EVA1B: variants seen among roughly 807,000 people sequenced by gnomAD.
EVA1B encodes the protein eva-1 homolog B.
In EVA1B, 2 loss-of-function variants were observed where a neutral mutation model predicts 4.6. The observed-to-expected ratio is 0.43, with a 90% CI of 0.18 to 1.37. EVA1B has a LOEUF of 1.37. Ranked by LOEUF, EVA1B falls within the 40% of genes most tolerant of loss-of-function variation. The pLI is 0.28. For missense variants in EVA1B, 263 were observed against 240.4 expected (o/e 1.09, Z -0.62); for synonymous variants, 124 against 115.8 (o/e 1.07, Z -0.46).
chr1:36,322,417 C>G lies in EVA1B; in HGVS notation c.376G>C (p.Glu126Gln). 1 of 1,602,110 alleles carries G rather than the reference C, an allele frequency of 6.2e-7. No homozygotes were observed. The highest frequency in any genetic ancestry group is 8.5e-7 in the Non-Finnish European group (1 of 1,179,316). The change falls in exon 3 of 3, where the codon GAG (glutamate) becomes CAG (glutamine). Residue 126 changes from glutamate (E) to glutamine (Q), a missense_variant. Coordinates refer to ENST00000490466, the MANE Select transcript of EVA1B (RefSeq NM_001304762.2). ...AEELERAQRL[E>Q]ERERILREIW... ...TCCCGCAGGATCCGTTCGCGCTCCT[C>G]CAGCCGCTGCGCCCGCTCCAGCTCC...
chr1:36,322,591 G>C lies in EVA1B; in HGVS notation c.202C>G (p.Pro68Ala). 1 of 1,567,472 alleles carries C rather than the reference G, an allele frequency of 6.4e-7. No homozygotes were observed. Among genetic ancestry groups the C allele is most frequent in the Non-Finnish European group, 8.6e-7 (1 of 1,161,282 alleles). The change falls in exon 3 of 3, where the codon CCC becomes GCC. Residue 68 changes from proline to alanine, a missense_variant. Coordinates refer to ENST00000490466, the MANE Select transcript of EVA1B (RefSeq NM_001304762.2). ...TCGGGCTCCAGGGTGCTGCTGCGGG[G>C]GTCCCGGCGCTGAGCCGGGCCCCGG... Reference protein sequence around the residue: ...RPRGPAQRRDPRSSTLEPEDD... With the variant: ...RPRGPAQRRDARSSTLEPEDD...
rs762436034 is a variant in EVA1B at position 36,322,607 on chromosome 1, C to A, written c.186G>T (p.Pro62=). Reference sequence around the variant, plus strand: ...TGCTGCGGGGGTCCCGGCGCTGAGCCGGGCCCCGGGGCCGCGGGCGGGGCG... The same window carrying A: ...TGCTGCGGGGGTCCCGGCGCTGAGCAGGGCCCCGGGGCCGCGGGCGGGGCG... ...SWAPRPRPRG[P]AQRRDPRSST... is the part of the protein sequence containing the mutation. The change falls in exon 3 of 3, where the codon CCG becomes CCT. Residue 62 remains proline, a synonymous_variant. Coordinates refer to ENST00000490466, the MANE Select transcript of EVA1B (RefSeq NM_001304762.2). 26 of 1,552,174 alleles carry A rather than the reference C, an allele frequency of 1.7e-5. No homozygotes were observed. In the African/African-American group the frequency reaches 3.3e-4, roughly 20 times the overall value.
In EVA1B at chr1:36,322,594, C is replaced by T. The variant is rs2124704925; in HGVS notation, c.199G>A (p.Asp67Asn). The change falls in exon 3 of 3, where the codon GAC becomes AAC. Residue 67 changes from aspartate (D) to asparagine (N), a missense_variant. Coordinates refer to ENST00000490466, the MANE Select transcript of EVA1B (RefSeq NM_001304762.2). Reference sequence around the variant, plus strand: ...GGCTCCAGGGTGCTGCTGCGGGGGTCCCGGCGCTGAGCCGGGCCCCGGGGC... The same window carrying T: ...GGCTCCAGGGTGCTGCTGCGGGGGTTCCGGCGCTGAGCCGGGCCCCGGGGC... Reference protein sequence around the residue: ...PRPRGPAQRRDPRSSTLEPED... With the variant: ...PRPRGPAQRRNPRSSTLEPED... 6.4e-7 allele frequency: 1 copy of T among 1,564,306 alleles called. No homozygotes were observed. The highest frequency in any genetic ancestry group is 1.9e-5 in the Admixed American group (1 of 52,528).
Position 36,322,592 on chromosome 1 carries a change from G to C in EVA1B, c.201C>G (p.Asp67Glu), listed in dbSNP as rs760727308. Residue 67 changes from aspartate (D) to glutamate (E), a missense_variant, in exon 3 of 3, where the codon GAC (aspartate) becomes GAG (glutamate). Asp to Glu is a conservative substitution (Grantham distance 45). Coordinates refer to ENST00000490466, the MANE Select transcript of EVA1B (RefSeq NM_001304762.2). The part of the protein sequence containing the change: ...PRPRGPAQRR[D>E]PRSSTLEPED... The stretch of plus-strand genomic sequence containing the variant: ...CGGGCTCCAGGGTGCTGCTGCGGGG[G>C]TCCCGGCGCTGAGCCGGGCCCCGGG... 3.2e-6 allele frequency: 5 copies of C among 1,566,704 alleles called. No individual in the cohort carries two copies. In the African/African-American group the frequency reaches 6.8e-5, roughly 21 times the overall value.
At chr1:36,323,117 G>A (rs1646496461) in intron 1 of EVA1B, 50 bp from the exon 2 acceptor site, 1 of 1,476,294 alleles carries the variant, frequency 6.8e-7, no homozygotes, top group South Asian at 1.2e-5. Context: ...AGCCCACCCC[G>A]ACCCCTTCCG....
chr1:36,322,645 T>G lies in EVA1B; in HGVS notation c.148A>C (p.Ser50Arg), dbSNP rs751315847. 5.2e-6 allele frequency: 8 copies of G among 1,545,304 alleles called. No individual in the cohort carries two copies. The highest frequency in any genetic ancestry group is 7.0e-6 in the Non-Finnish European group (8 of 1,146,642). The part of the protein sequence containing the change: ...LLLTLCLLVI[S>R]ISWAPRPRPR... Reference sequence around the variant, plus strand: ...CGCGGGCGGGGCGCCCACGAGATGCTGATGACGAGCAGGCAGAGGGTGAGC... The same window carrying G: ...CGCGGGCGGGGCGCCCACGAGATGCGGATGACGAGCAGGCAGAGGGTGAGC... The change falls in exon 3 of 3, where the codon AGC becomes CGC. Residue 50 changes from serine (S) to arginine (R), a missense_variant. Coordinates refer to ENST00000490466, the MANE Select transcript of EVA1B (RefSeq NM_001304762.2).
chr1:36,322,637 C>G lies in EVA1B; in HGVS notation c.156G>C (p.Ser52=), dbSNP rs542369630. 3 of 1,546,240 alleles carry G rather than the reference C, an allele frequency of 1.9e-6. No individual in the cohort carries two copies. The highest frequency in any genetic ancestry group is 2.4e-5 in the East Asian group (1 of 40,944). The change falls in exon 3 of 3, where the codon TCG becomes TCC. Residue 52 remains serine, a synonymous_variant. Coordinates refer to ENST00000490466, the MANE Select transcript of EVA1B (RefSeq NM_001304762.2). ...LTLCLLVISI[S]WAPRPRPRGP... is the part of the protein sequence containing the mutation. ...CCCGGGGCCGCGGGCGGGGCGCCCA[C>G]GAGATGCTGATGACGAGCAGGCAGA...
chr1:36,322,593 TCCCGGCGCTGAGCCGGGC>T lies in EVA1B; in HGVS notation c.182_199del (p.Gly61_Arg66del). On this transcript the variant is annotated inframe_deletion, in exon 3 of 3. Transcript: ENST00000490466. ...GGGCTCCAGGGTGCTGCTGCGGGGG[TCCCGGCGCTGAGCCGGGC>T]CCCGGGGCCGCGGGCGGGGCGCCCA... The T allele has an allele frequency of 6.5e-7, 1 of 1,548,062 alleles. No homozygotes were observed. The highest frequency in any genetic ancestry group is 8.7e-7 in the Non-Finnish European group (1 of 1,154,282).
At position 36,322,951 on chromosome 1, in the gene EVA1B, C is replaced by A. The variant is rs768830228; in HGVS notation, c.67+20G>T. On this transcript the variant is annotated intron_variant, in intron 2 of 2. Coordinates refer to ENST00000490466, the MANE Select transcript of EVA1B (RefSeq NM_001304762.2). Reference sequence around the variant, plus strand: ...TCAGGGAAGGGTTCAGGCCCCCAGTCTTCCGGCGCCCGCCCTCACCGCGGA... The same window carrying A: ...TCAGGGAAGGGTTCAGGCCCCCAGTATTCCGGCGCCCGCCCTCACCGCGGA... The A allele has an allele frequency of 5.6e-6, 9 of 1,606,682 alleles. No homozygotes were observed. In the South Asian group the frequency reaches 9.9e-5, roughly 18 times the overall value.
At chr1:36,322,888 G>C (rs941440920) in intron 2 of EVA1B, 83 bp downstream of exon 2, 2 of 1,559,392 alleles carry the variant, frequency 1.3e-6, no homozygotes, top group Admixed American at 1.8e-5. Flanking sequence ...CGGGGCGGAG[G>C]GGACGGACAA....
intron 2 of EVA1B, 67 bp from the exon 3 acceptor site, chr1:36,322,792 AC>A: frequency 1.3e-6 from 2 of 1,509,414 alleles, no homozygotes; most frequent in Non-Finnish European, 1.8e-6. Context: ...CTTCCGAAAG[AC>A]CCCAGGTTCT....
chr1:36,322,752 G>A (rs768703283), intron 2 of EVA1B, 27 bp from the exon 3 acceptor site: 25 of 1,542,002 alleles, frequency 1.6e-5, no homozygotes, highest in Non-Finnish European at 2.0e-5. Flanking sequence ...GGGGGTCACG[G>A]AGAGGCCCGG....
Position 36,322,509 on chromosome 1 carries a change from A to G in EVA1B, c.284T>C (p.Leu95Pro). The change falls in exon 3 of 3, where the codon CTG becomes CCG. Residue 95 changes from leucine (L) to proline (P), a missense_variant. Transcript: ENST00000490466. Reference sequence around the variant, plus strand: ...CTCTGCGGACAGCTCGGGGCCCGGCAGCGTGTCGTCGGGGCCCAGCCGAGT... The same window carrying G: ...CTCTGCGGACAGCTCGGGGCCCGGCGGCGTGTCGTCGGGGCCCAGCCGAGT... The part of the protein sequence containing the change: ...TVTRLGPDDT[L>P]PGPELSAEPD... 3.7e-6 allele frequency: 6 copies of G among 1,602,010 alleles called. No homozygotes were observed. The highest frequency in any genetic ancestry group is 3.4e-6 in the Non-Finnish European group (4 of 1,178,722).
At position 36,322,991 on chromosome 1, in the gene EVA1B, G is replaced by T. The variant is rs773766772; in HGVS notation, c.47C>A (p.Ala16Asp). The T allele has an allele frequency of 6.2e-7, 1 of 1,606,110 alleles. No homozygotes were observed. The highest frequency in any genetic ancestry group is 2.2e-5 in the East Asian group (1 of 44,738). Residue 16 changes from alanine (A) to aspartate (D), a missense_variant, in exon 2 of 3, where the codon GCT becomes GAT. Coordinates refer to ENST00000490466, the MANE Select transcript of EVA1B (RefSeq NM_001304762.2). ...CTCACCGCGGATGTGCGCGTAGGCA[G>T]CCAGGCTGTTGCTGAGCAACTCCAT... ...RDMELLSNSLAAYAHIRANPE... is the reference protein window; with the variant it reads ...RDMELLSNSLDAYAHIRANPE...
rs1001333537 is a variant in EVA1B, at chr1:36,323,084, G to T, written c.-30-17C>A. On this transcript the variant is annotated splice_polypyrimidine_tract_variant and intron_variant, in intron 1 of 2. Transcript: ENST00000490466. ...CCTACCAGCCTGCGAGGTCAGCAAA[G>T]TCAGATCCTTCTCCCAGCCTGGAGC... 1 of 1,580,670 alleles carries T rather than the reference G, an allele frequency of 6.3e-7. No homozygotes were observed. The highest frequency in any genetic ancestry group is 8.6e-7 in the Non-Finnish European group (1 of 1,167,254).
At chr1:36,323,282 A>G (rs1264583843) in intron 1 of EVA1B, among the ~76,000 whole-genome samples, 177 bp downstream of exon 1, 1 of 151,882 alleles carries the variant, frequency 6.6e-6, no homozygotes, top group African/African-American at 2.4e-5. Flanking sequence ...GGACCGCGGG[A>G]GGCCCCGCCC....
chr1:36,322,428 G>A lies in EVA1B; in HGVS notation c.365C>T (p.Ala122Val), dbSNP rs1382539537. 1.2e-6 allele frequency: 2 copies of A among 1,602,962 alleles called. No individual in the cohort carries two copies. Among genetic ancestry groups the A allele is most frequent in the Middle Eastern group, 1.8e-4 (1 of 5,654 alleles). Residue 122 changes from alanine to valine, a missense_variant, in exon 3 of 3, where the codon GCG (alanine) becomes GTG (valine). By Grantham distance (64) the Ala-to-Val change is moderately conservative (BLOSUM62 0). Transcript: ENST00000490466. ...CCGTTCGCGCTCCTCCAGCCGCTGC[G>A]CCCGCTCCAGCTCCTCCGCCGACGT... Reference protein sequence around the residue: ...VFTSAEELERAQRLEERERIL... With the variant: ...VFTSAEELERVQRLEERERIL...
intron 1 of EVA1B, 108 bp from the exon 2 acceptor site, chr1:36,323,175 G>C: frequency 2.1e-6 from 2 of 932,414 alleles, no homozygotes; most frequent in South Asian, 3.5e-5. Context: ...CCACCCTGGA[G>C]AGAGCGCTTC....
At chr1:36,322,821 C>T in intron 2 of EVA1B, 96 bp from the exon 3 acceptor site, 2 of 1,487,562 alleles carry the variant, frequency 1.3e-6, no homozygotes, top group Non-Finnish European at 1.8e-6. Context: ...GGGGCGAGGC[C>T]TGTAACCCCT....
Sources: allele counts gnomAD v4.1 joint callset (sites outside exome capture counted in the v4.1 genomes callset), GRCh38; gene constraint gnomAD v4.1.1; transcripts MANE v1.5; gene names NCBI Gene and HGNC (gene_info 2026-07-23, HGNC 2026-07-21).